Variants in STK32B observed in about 807,000 individuals in gnomAD.
STK32B encodes serine/threonine-protein kinase 32B.
STK32B carries 43 observed loss-of-function variants against 52.6 expected under a neutral mutation model. The observed-to-expected ratio is 0.82, with a 90% CI of 0.64 to 1.05. The LOEUF (loss-of-function observed/expected upper bound fraction) is 1.05, where lower values mean the gene tolerates loss of function less well. Ranked by LOEUF, STK32B falls within the 50% of genes least tolerant of loss-of-function variation. STK32B has a pLI of 0.00. For missense variants in STK32B, 621 were observed against 534.6 expected (o/e 1.16, Z -1.59); for synonymous variants, 238 against 204.3 (o/e 1.17, Z -1.41).
intron 1 of STK32B, among the ~76,000 whole-genome samples, chr4:5,109,664 A>G (rs1714288533): frequency 6.6e-6 from 1 of 152,234 alleles, no homozygotes; most frequent in Admixed American, 6.5e-5. Flanking sequence ...GCAAAGCCAC[A>G]GCCAGCATCA....
chr4:5,106,665 A>G (rs1287268186), intron 1 of STK32B, among the ~76,000 whole-genome samples: 4 of 152,216 alleles, frequency 2.6e-5, no homozygotes, highest in Admixed American at 6.5e-5. Context: ...AGATAGGTCC[A>G]TCCATTCTGT....
intron 5 of STK32B, among the ~76,000 whole-genome samples, chr4:5,402,575 C>G (rs1737371435): frequency 6.6e-6 from 1 of 152,200 alleles, no homozygotes; most frequent in Admixed American, 6.5e-5. Context: ...GTCCCTGTGG[C>G]CGAGGAACTC....
chr4:5,460,366 G>A lies in STK32B; in HGVS notation c.909+138G>A, dbSNP rs1388350258. 8.1e-6 allele frequency: 11 copies of A among 1,357,492 alleles called. No homozygotes were observed. Among genetic ancestry groups the A allele is most frequent in the Non-Finnish European group, 8.9e-6 (9 of 1,006,330 alleles). The allele number at this position is 1,357,492 out of a possible 1,614,324, so 84.1% of individuals were successfully genotyped here. ...GAGCACCAAGGGCTTATGTCTTGCT[G>A]GAATTCAGGGTGAACTTGGGCCTGA... On this transcript the variant is annotated intron_variant, in intron 9 of 11. Coordinates refer to ENST00000282908, the MANE Select transcript of STK32B (RefSeq NM_018401.3). The surrounding 1 kb of genome is among the most constrained non-coding windows in gnomAD (Gnocchi z 4.8).
chr4:5,225,317 G>A lies in STK32B; in HGVS notation c.260+56867G>A, dbSNP rs191937188. Among the ~76,000 whole-genome samples, 743 of 152,112 alleles carry A rather than the reference G, an allele frequency of 4.9e-3. 6 individuals carry two copies. Among genetic ancestry groups the A allele is most frequent in the Non-Finnish European group, 7.9e-3 (536 of 67,984 alleles). On this transcript the variant is annotated intron_variant, in intron 3 of 11. Transcript: ENST00000282908. Reference sequence around the variant, plus strand: ...AGCTACTCGGGAGGCTGAGGCAGGAGAATCGTTTGAACCCAGGAGGCGGAG... The same window carrying A: ...AGCTACTCGGGAGGCTGAGGCAGGAAAATCGTTTGAACCCAGGAGGCGGAG...
chr4:5,421,024 C>G (rs1223472349), intron 6 of STK32B, among the ~76,000 whole-genome samples: 4 of 152,150 alleles, frequency 2.6e-5, no homozygotes, highest in Admixed American at 6.5e-5. Flanking sequence ...CTCAGCCTCC[C>G]AAGTAGCTGG....
chr4:5,369,214 C>T (rs1280895084), intron 4 of STK32B, among the ~76,000 whole-genome samples: 1 of 151,812 alleles, frequency 6.6e-6, no homozygotes, highest in Non-Finnish European at 1.5e-5. Flanking sequence ...GAGCTTCATC[C>T]TAGTGGGTAG....
chr4:5,431,511 T>TG (rs1274742887), intron 6 of STK32B, among the ~76,000 whole-genome samples: 1 of 16,362 alleles, frequency 6.1e-5, no homozygotes, highest in Admixed American at 1.0e-3. Context: ...CCAAAAGTCC[T>TG]TTTTTTTTTT....
chr4:5,111,057 A>G (rs776005338), intron 1 of STK32B, among the ~76,000 whole-genome samples: 2 of 152,170 alleles, frequency 1.3e-5, no homozygotes, highest in Non-Finnish European at 2.9e-5. Context: ...TTAAGACCAC[A>G]TTGAGATATC....
chr4:5,287,204 G>T (rs575585809), intron 3 of STK32B, among the ~76,000 whole-genome samples: 1 of 152,258 alleles, frequency 6.6e-6, no homozygotes, highest in East Asian at 1.9e-4. Context: ...CAAAGGGTTT[G>T]TACCAGTTTA....
chr4:5,229,246 G>GA (rs1020374172), intron 3 of STK32B, among the ~76,000 whole-genome samples: 1 of 149,636 alleles, frequency 6.7e-6, no homozygotes. Flanking sequence ...TTTAAACTCT[G>GA]AAAAAATTGG....
intron 2 of STK32B, among the ~76,000 whole-genome samples, chr4:5,155,775 A>T (rs1306077869): frequency 6.6e-6 from 1 of 152,114 alleles, no homozygotes; most frequent in Admixed American, 6.5e-5. Flanking sequence ...CCATGATTGT[A>T]AGTTTCCTGA....
chr4:5,159,415 A>G (rs760990406), intron 2 of STK32B, among the ~76,000 whole-genome samples: 3 of 150,536 alleles, frequency 2.0e-5, no homozygotes, highest in Non-Finnish European at 4.4e-5. Context: ...GTTTTACTCG[A>G]GGTTCTCTAG....
chr4:5,311,745 C>A (rs1379900658), intron 3 of STK32B, among the ~76,000 whole-genome samples: 1 of 151,978 alleles, frequency 6.6e-6, no homozygotes, highest in Non-Finnish European at 1.5e-5. Context: ...AAAAAATGAA[C>A]ACTCCTATAT....
At chr4:5,352,982 G>A (rs561626444) in intron 4 of STK32B, among the ~76,000 whole-genome samples, 2 of 152,082 alleles carry the variant, frequency 1.3e-5, no homozygotes, top group Admixed American at 6.5e-5. Flanking sequence ...CAAAGCTTGA[G>A]GCATCAAAAT....
chr4:5,019,606 C>G, the STK32B span: 2 of 699,462 alleles, frequency 2.9e-6, no homozygotes, highest in East Asian at 6.8e-5. Flanking sequence ...AGGGTCGGGA[C>G]AGGAATCCTC....
At chr4:5,263,898 T>C (rs1726887463) in intron 3 of STK32B, among the ~76,000 whole-genome samples, 2 of 152,234 alleles carry the variant, frequency 1.3e-5, no homozygotes, top group African/African-American at 4.8e-5. Context: ...TGGTTTTGCC[T>C]ATTCCAGAAT....
Position 5,225,076 on chromosome 4 carries a change from C to T in STK32B, c.260+56626C>T, listed in dbSNP as rs187305007. Reference sequence around the variant, plus strand: ...TGCTGTTAAAAATTATTGAGGACCTCGAAGAGAATGTTTTTGTAGAATATA... The same window carrying T: ...TGCTGTTAAAAATTATTGAGGACCTTGAAGAGAATGTTTTTGTAGAATATA... On this transcript the variant is annotated intron_variant, in intron 3 of 11. Transcript: ENST00000282908. Among the ~76,000 whole-genome samples, 561 of 152,042 alleles carry T rather than the reference C, an allele frequency of 3.7e-3. 3 individuals are homozygous for T. The highest frequency in any genetic ancestry group is 0.013 in the African/African-American group (522 of 41,478).
intron 3 of STK32B, among the ~76,000 whole-genome samples, chr4:5,179,277 C>T (rs1720169169): frequency 6.6e-6 from 1 of 152,192 alleles, no homozygotes; most frequent in East Asian, 1.9e-4. Context: ...GGGGAAGTTG[C>T]CCCATGATTC....
At chr4:5,417,740 G>A (rs75357037) in intron 6 of STK32B, among the ~76,000 whole-genome samples, 1 of 152,064 alleles carries the variant, frequency 6.6e-6, no homozygotes. Flanking sequence ...ATCAATTACT[G>A]TGTAACAAAC....
Sources: allele counts gnomAD v4.1 joint callset (sites outside exome capture counted in the v4.1 genomes callset), GRCh38; gene constraint gnomAD v4.1.1; non-coding constraint Gnocchi (gnomAD v3.1); transcripts MANE v1.5; gene names NCBI Gene and HGNC (gene_info 2026-07-23, HGNC 2026-07-21).